The following CADM2 variants were observed in gnomAD, a reference collection of about 807,000 sequenced individuals.
CADM2 encodes the protein cell adhesion molecule 2, also known as immunoglobulin superfamily member 4D.
Under a neutral mutation model 49.8 loss-of-function variants are expected in CADM2, and 12 were observed. The ratio of observed to expected loss-of-function variants is 0.24; its 90% CI spans 0.15 to 0.39. The LOEUF (loss-of-function observed/expected upper bound fraction) is 0.39, where lower values mean the gene tolerates loss of function less well. Ranked by LOEUF, CADM2 falls within the 10% of genes least tolerant of loss-of-function variation. The pLI, the probability that CADM2 is intolerant of heterozygous loss-of-function variation, is 1.00. For missense variants in CADM2, 378 were observed against 492.3 expected (o/e 0.77, Z 2.20); for synonymous variants, 214 against 175.4 (o/e 1.22, Z -1.74).
chr3:86,015,142 C>T (rs573140655), intron 8 of CADM2: 23 of 502,508 alleles, frequency 4.6e-5, no homozygotes, highest in Non-Finnish European at 7.4e-5. Context: ...AAAAATAGGC[C>T]TTCTTATATT....
chr3:85,837,567 A>G (rs2074463890), intron 3 of CADM2, among the ~76,000 whole-genome samples: 1 of 151,584 alleles, frequency 6.6e-6, no homozygotes, highest in Admixed American at 6.6e-5. Context: ...TGTGTCAGTT[A>G]TGTCTCGTCA....
chr3:85,966,319 G>T (rs761380559), intron 8 of CADM2, among the ~76,000 whole-genome samples: 1 of 151,678 alleles, frequency 6.6e-6, no homozygotes, highest in Non-Finnish European at 1.5e-5. Context: ...TTATAGCAGA[G>T]TTGAGATGCA....
At chr3:85,405,657 T>A (rs1325876016) in intron 1 of CADM2, among the ~76,000 whole-genome samples, 2 of 152,050 alleles carry the variant, frequency 1.3e-5, no homozygotes, top group African/African-American at 4.8e-5. Context: ...CTATAGAAAT[T>A]AAAAAGCCTT....
intron 1 of CADM2, among the ~76,000 whole-genome samples, chr3:85,628,580 C>CACATATATATACATATATAT (rs57235186): frequency 0.73 from 104,662 of 142,558 alleles, 38,706 homozygotes; most frequent in African/African-American, 0.79. Context: ...TATATACACA[C>CACATATATATACATATATAT]ACATATATAT....
chr3:85,361,317 A>G (rs1238266830), intron 1 of CADM2, among the ~76,000 whole-genome samples: 3 of 152,148 alleles, frequency 2.0e-5, no homozygotes, highest in African/African-American at 7.2e-5. Flanking sequence ...TCAGAGTGAA[A>G]AGTCCCTAGA....
intron 1 of CADM2, among the ~76,000 whole-genome samples, chr3:85,136,296 T>TTA (rs1480635121): frequency 6.6e-6 from 1 of 151,756 alleles, no homozygotes; most frequent in Non-Finnish European, 1.5e-5. Flanking sequence ...TAGCTTTTAT[T>TTA]TATTTCCTGA....
chr3:85,640,382 TA>T (rs142420646), intron 1 of CADM2, among the ~76,000 whole-genome samples: 1,659 of 152,218 alleles, frequency 0.011, 37 homozygotes, highest in African/African-American at 0.038. Context: ...ACTCAAAATT[TA>T]AAAAAATGTG....
chr3:85,656,191 T>C (rs1283670511), intron 1 of CADM2, among the ~76,000 whole-genome samples: 26 of 152,112 alleles, frequency 1.7e-4, no homozygotes, highest in Admixed American at 1.7e-3. Flanking sequence ...ATTATTTCAG[T>C]TTCTTTATCA....
At position 85,132,567 on chromosome 3, in the gene CADM2, A is replaced by T. The variant is rs527422520; in HGVS notation, c.61+172899A>T. Among the ~76,000 whole-genome samples, 5 of 148,754 alleles carry T rather than the reference A, an allele frequency of 3.4e-5. No individual in the cohort carries two copies. The South Asian group carries it at 6.3e-4, about 19-fold the overall frequency. ...TTTTGCAGTATTTTACTTTCTGCTC[A>T]TTTGTATAAGAATTAATCCATTACA... On this transcript the variant is annotated intron_variant, in intron 1 of 9. Transcript: ENST00000383699.
intron 1 of CADM2, among the ~76,000 whole-genome samples, chr3:85,561,061 G>T (rs756860242): frequency 6.6e-6 from 1 of 152,112 alleles, no homozygotes; most frequent in Non-Finnish European, 1.5e-5. Flanking sequence ...CCACATAGAA[G>T]ATTCTCCAAA....
chr3:85,998,222 C>A (rs1729675642), intron 8 of CADM2, among the ~76,000 whole-genome samples: 1 of 151,924 alleles, frequency 6.6e-6, no homozygotes, highest in Non-Finnish European at 1.5e-5. Flanking sequence ...TTTTTAATTT[C>A]TATTTTGAAA....
intron 1 of CADM2, among the ~76,000 whole-genome samples, chr3:85,608,893 T>C (rs990827302): frequency 6.6e-6 from 1 of 152,186 alleles, no homozygotes; most frequent in Non-Finnish European, 1.5e-5. Flanking sequence ...CTTGGTTTTC[T>C]TCAATTTTTC....
intron 8 of CADM2, among the ~76,000 whole-genome samples, chr3:86,049,280 T>A (rs1417260688): frequency 1.3e-5 from 2 of 149,594 alleles, no homozygotes; most frequent in South Asian, 2.1e-4. Flanking sequence ...TTTTATTTTT[T>A]ATTTTTTTTT....
At chr3:85,120,876 G>A (rs2038839883) in intron 1 of CADM2, among the ~76,000 whole-genome samples, 1 of 152,110 alleles carries the variant, frequency 6.6e-6, no homozygotes, top group Non-Finnish European at 1.5e-5. Context: ...AGAAATCTCA[G>A]CTGGTAAGAT....
chr3:85,949,251 T>A (rs1723104713), intron 7 of CADM2, among the ~76,000 whole-genome samples: 1 of 150,892 alleles, frequency 6.6e-6, no homozygotes. Context: ...GAAGAAAGAG[T>A]AAAGAAAATG....
intron 8 of CADM2, among the ~76,000 whole-genome samples, chr3:86,061,995 G>GT (rs889883738): frequency 7.3e-5 from 11 of 149,712 alleles, no homozygotes; most frequent in African/African-American, 2.2e-4. Context: ...GTGGGGGGGG[G>GT]GTTGAATTTG....
intron 2 of CADM2, among the ~76,000 whole-genome samples, chr3:85,742,477 A>C (rs1310509051): frequency 1.3e-5 from 2 of 152,170 alleles, no homozygotes; most frequent in Non-Finnish European, 2.9e-5. Context: ...CCCTTAAGAT[A>C]ATAAATTAAG....
In CADM2 at chr3:85,553,119, T is replaced by C. The variant is rs552108648; in HGVS notation, c.62-173403T>C. Among the ~76,000 whole-genome samples the C allele has an allele frequency of 5.3e-5, 8 of 152,226 alleles. No homozygotes were observed. The South Asian group carries it at 1.7e-3, about 32-fold the overall frequency. On this transcript the variant is annotated intron_variant, in intron 1 of 9. Transcript: ENST00000383699. ...CCAGAATAATTAAATAAATAAAAAA[T>C]ACTAGGGGTCTCTAAGTCAGTAAAT... is the stretch of plus-strand genomic sequence containing the variant.
chr3:85,445,817 G>A (rs1049612998), intron 1 of CADM2, among the ~76,000 whole-genome samples: 4 of 151,888 alleles, frequency 2.6e-5, no homozygotes, highest in African/African-American at 9.7e-5. Flanking sequence ...ATAACTTGAG[G>A]GTTTTAAAAA....
Sources: allele counts gnomAD v4.1 joint callset (sites outside exome capture counted in the v4.1 genomes callset), GRCh38; gene constraint gnomAD v4.1.1; transcripts MANE v1.5; gene names NCBI Gene and HGNC (gene_info 2026-07-23, HGNC 2026-07-21).